CAVIN1: variants seen among roughly 807,000 people sequenced by gnomAD.
The protein encoded by CAVIN1 is caveolae-associated protein 1.
A neutral mutation model predicts 24.0 loss-of-function variants in CAVIN1; 16 were observed. The ratio of observed to expected loss-of-function variants is 0.67; its 90% CI spans 0.45 to 1.01. CAVIN1 has a LOEUF of 1.01. Among genes scored for constraint, CAVIN1 ranks in the 50% least tolerant of loss-of-function variants. The probability of loss-of-function intolerance (pLI) is 0.00; values close to 1 mark genes in which losing one functional copy is unlikely to be tolerated. For missense variants in CAVIN1, 510 were observed against 551.7 expected (o/e 0.92, Z 0.76); for synonymous variants, 256 against 256.4 (o/e 1.00, Z 0.02).
At chr17:42,417,478 T>C (rs1354308213) in intron 1 of CAVIN1, among the ~76,000 whole-genome samples, 1 of 118,776 alleles carries the variant, frequency 8.4e-6, no homozygotes, top group Non-Finnish European at 1.9e-5. Context: ...AAAAAAAGAT[T>C]GTAGTGGAGA....
At chr17:42,405,515 G>A (rs2085438920) in intron 1 of CAVIN1, 127 bp from the exon 2 acceptor site, 2 of 958,288 alleles carry the variant, frequency 2.1e-6, no homozygotes, top group Non-Finnish European at 1.6e-6. Flanking sequence ...GGAAACTGGC[G>A]GGCGCTCAAT....
At chr17:42,418,229 C>CTTTTTTTTTTTTTT (rs555569816) in intron 1 of CAVIN1, among the ~76,000 whole-genome samples, 1 of 129,478 alleles carries the variant, frequency 7.7e-6, no homozygotes. Flanking sequence ...ACTGTATTTC[C>CTTTTTTTTTTTTTT]TTTTTTTTTT....
chr17:42,422,718 C>T lies in CAVIN1; in HGVS notation c.380G>A (p.Ser127Asn), dbSNP rs774501337. Residue 127 changes from serine to asparagine, a missense_variant, in exon 1 of 2, where the codon AGC (serine) becomes AAC (asparagine). By Grantham distance (46) the Ser-to-Asn change is conservative. Transcript: ENST00000357037. The part of the protein sequence containing the change: ...VSVNVKTVRG[S>N]LERQAGQIKK... ...GATCTGCCCCGCCTGGCGCTCCAGG[C>T]TGCCGCGCACGGTCTTCACGTTGAC... The T allele has an allele frequency of 6.8e-6, 11 of 1,609,728 alleles. No homozygotes were observed. The highest frequency in any genetic ancestry group is 9.3e-6 in the Non-Finnish European group (11 of 1,178,292).
chr17:42,405,184 G>C lies in CAVIN1; in HGVS notation c.676C>G (p.Leu226Val). Residue 226 changes from leucine (L) to valine (V), a missense_variant, in exon 2 of 2, where the codon CTG becomes GTG. Transcript: ENST00000357037. Reference sequence around the variant, plus strand: ...TTCTTGAAGTCGTCCACGCGCCGCAGGCCGCTGCGCTTGATACGCTCTGCG... The same window carrying C: ...TTCTTGAAGTCGTCCACGCGCCGCACGCCGCTGCGCTTGATACGCTCTGCG... ...SRAERIKRSG[L>V]RRVDDFKKAF... The C allele has an allele frequency of 6.2e-7, 1 of 1,614,090 alleles. No individual in the cohort carries two copies. The highest frequency in any genetic ancestry group is 8.5e-7 in the Non-Finnish European group (1 of 1,179,988).
At chr17:42,415,968 C>T (rs113932118) in intron 1 of CAVIN1, among the ~76,000 whole-genome samples, 1 of 151,186 alleles carries the variant, frequency 6.6e-6, no homozygotes, top group Non-Finnish European at 1.5e-5. Context: ...ATAAAAAGGC[C>T]GCGTGGCTCA....
Position 42,411,616 on chromosome 17 carries a change from A to C in CAVIN1, c.472-6228T>G, listed in dbSNP as rs145795666. The C allele has an allele frequency of 4.3e-5, 42 of 985,410 alleles. 2 individuals are homozygous for C. The East Asian group carries it at 4.5e-3, about 107-fold the overall frequency. 61.0% of individuals were successfully genotyped at this position (985,410 alleles called of 1,614,324 possible). ...ACGTGTAAATGTTTTCCTCAGCTGC[A>C]GGGAGTGGGTGGAGAGGGCACAGAA... On this transcript the variant is annotated intron_variant, in intron 1 of 1. Transcript: ENST00000357037.
At chr17:42,422,604 C>T (rs566495033) in intron 1 of CAVIN1, 23 bp downstream of exon 1, 3 of 1,538,570 alleles carry the variant, frequency 1.9e-6, no homozygotes, top group South Asian at 2.4e-5. Flanking sequence ...GAGCTCTGGG[C>T]GCCTTCCGCC....
intron 1 of CAVIN1, among the ~76,000 whole-genome samples, chr17:42,420,982 AG>A: frequency 6.6e-6 from 1 of 152,196 alleles, no homozygotes; most frequent in African/African-American, 2.4e-5. Flanking sequence ...AAACGTCAAA[AG>A]CCCCCCTCTC....
chr17:42,405,404 A>G lies in CAVIN1; in HGVS notation c.472-16T>C, dbSNP rs756610291. 14 of 1,601,660 alleles carry G rather than the reference A, an allele frequency of 8.7e-6. No homozygotes were observed. The highest frequency in any genetic ancestry group is 1.0e-5 in the Non-Finnish European group (12 of 1,179,820). On this transcript the variant is annotated splice_polypyrimidine_tract_variant and intron_variant, in intron 1 of 1. Coordinates refer to ENST00000357037, the MANE Select transcript of CAVIN1 (RefSeq NM_012232.6). ...TCACTTCATCCTAAGGGAAGAGGAG[A>G]AGGGACATGAGAGGCGTCGGAGGAG...
intron 1 of CAVIN1, among the ~76,000 whole-genome samples, chr17:42,409,969 C>G (rs1407537726): frequency 6.6e-6 from 1 of 152,176 alleles, no homozygotes; most frequent in Non-Finnish European, 1.5e-5. Context: ...CTTTGCCAAG[C>G]ACACATAGCT....
chr17:42,422,750 C>G lies in CAVIN1; in HGVS notation c.348G>C (p.Lys116Asn), dbSNP rs777309097. The G allele has an allele frequency of 6.2e-7, 1 of 1,612,440 alleles. No homozygotes were observed. The highest frequency in any genetic ancestry group is 1.1e-5 in the South Asian group (1 of 90,764). ...GCACGGTCTTCACGTTGACGCTGACCTTGCGCACCTTCTCCAGCAGCTTGC... is the reference window on the plus strand; with the variant it reads ...GCACGGTCTTCACGTTGACGCTGACGTTGCGCACCTTCTCCAGCAGCTTGC... ...TVSKLLEKVR[K>N]VSVNVKTVRG... Residue 116 changes from lysine to asparagine, a missense_variant, in exon 1 of 2, where the codon AAG becomes AAC. Lys to Asn is a moderately conservative substitution (Grantham distance 94). Transcript: ENST00000357037.
intron 1 of CAVIN1, among the ~76,000 whole-genome samples, chr17:42,412,694 T>G (rs1239838040): frequency 6.6e-6 from 1 of 152,022 alleles, no homozygotes; most frequent in Non-Finnish European, 1.5e-5. Flanking sequence ...CTTGGCTCAC[T>G]GCAACCTCCA....
At chr17:42,421,617 T>G (rs529597336) in intron 1 of CAVIN1, among the ~76,000 whole-genome samples, 5 of 152,026 alleles carry the variant, frequency 3.3e-5, no homozygotes, top group Admixed American at 6.5e-5. Context: ...AGGAGCAGCA[T>G]AGAAACCCGA....
chr17:42,415,091 C>G (rs1315032782), intron 1 of CAVIN1, among the ~76,000 whole-genome samples: 1 of 152,064 alleles, frequency 6.6e-6, no homozygotes, highest in Middle Eastern at 3.2e-3. Flanking sequence ...GCCAACGCCA[C>G]ACACACAAAC....
chr17:42,416,330 T>A (rs566953790), intron 1 of CAVIN1, among the ~76,000 whole-genome samples: 1 of 151,432 alleles, frequency 6.6e-6, no homozygotes, highest in Admixed American at 6.6e-5. Flanking sequence ...ATCACGCTAC[T>A]GCACTCCGGC....
Position 42,405,028 on chromosome 17 carries a change from C to T in CAVIN1, c.832G>A (p.Gly278Ser). 6.2e-7 allele frequency: 1 copy of T among 1,614,194 alleles called. No individual in the cohort carries two copies. Among genetic ancestry groups the T allele is most frequent in the Non-Finnish European group, 8.5e-7 (1 of 1,180,018 alleles). Residue 278 changes from glycine to serine, a missense_variant, in exon 2 of 2, where the codon GGC becomes AGC. Physicochemically the swap from Gly to Ser is moderately conservative, Grantham distance 56 (BLOSUM62 0). Coordinates refer to ENST00000357037, the MANE Select transcript of CAVIN1 (RefSeq NM_012232.6). ...CGCTCGGCGGGCACCAGGCGCGTGC[C>T]CAGCTTGTTCATGCGCTTCTCCAGG... ...HTLEKRMNKL[G>S]TRLVPAERRE...
chr17:42,406,024 G>T (rs545768833), intron 1 of CAVIN1, among the ~76,000 whole-genome samples: 3 of 152,278 alleles, frequency 2.0e-5, no homozygotes, highest in African/African-American at 7.2e-5. Flanking sequence ...TGTGTTGAAC[G>T]AATGGTGACT....
intron 1 of CAVIN1, 115 bp downstream of exon 1, chr17:42,422,512 C>G (rs1254869174): frequency 2.6e-6 from 2 of 761,694 alleles, no homozygotes; most frequent in Non-Finnish European, 4.2e-6. Context: ...GCCGGGCGCC[C>G]GGGCCAGGCT....
At chr17:42,415,488 G>A (rs996119403) in intron 1 of CAVIN1, among the ~76,000 whole-genome samples, 4 of 152,138 alleles carry the variant, frequency 2.6e-5, no homozygotes, top group African/African-American at 4.8e-5. Flanking sequence ...TGAGGCAGAC[G>A]GATTGCTTGA....
Sources: allele counts gnomAD v4.1 joint callset (sites outside exome capture counted in the v4.1 genomes callset), GRCh38; gene constraint gnomAD v4.1.1; transcripts MANE v1.5; gene names NCBI Gene and HGNC (gene_info 2026-07-23, HGNC 2026-07-21).